The following DSTYK variants were observed in gnomAD, a reference collection of about 807,000 sequenced individuals.
DSTYK encodes RIP-homologous kinase.
DSTYK carries 34 observed loss-of-function variants against 98.7 expected under a neutral mutation model. The observed-to-expected ratio is 0.34, with a 90% CI of 0.26 to 0.46. The LOEUF is 0.46. Among genes scored for constraint, DSTYK ranks in the 20% least tolerant of loss-of-function variants. DSTYK has a pLI of 1.00. For synonymous variants in DSTYK, 462 were observed against 457.3 expected (o/e 1.01, Z -0.13); for missense variants, 962 against 1,181.7 (o/e 0.81, Z 2.73).
intron 10 of DSTYK, among the ~76,000 whole-genome samples, chr1:205,155,245 A>T (rs1657523517): frequency 6.6e-6 from 1 of 151,768 alleles, no homozygotes; most frequent in African/African-American, 2.4e-5. Flanking sequence ...TGGCCTCCCA[A>T]AGTGCTGGGA....
chr1:205,202,583 C>T lies in DSTYK; in HGVS notation c.265+8688G>A, dbSNP rs1203735007. On this transcript the variant is annotated intron_variant, in intron 1 of 12. Coordinates refer to ENST00000367162, the MANE Select transcript of DSTYK (RefSeq NM_015375.3). Reference sequence around the variant, plus strand: ...AAGATGCGCCGCTGGACCTGCAGAGCTCATGGTCGGATTAACCCATACGTG... The same window carrying T: ...AAGATGCGCCGCTGGACCTGCAGAGTTCATGGTCGGATTAACCCATACGTG... The T allele has an allele frequency of 1.2e-5, 12 of 1,023,592 alleles. No individual in the cohort carries two copies. In the Admixed American group the frequency reaches 1.9e-4, roughly 16 times the overall value. The allele number at this position is 1,023,592 out of a possible 1,614,324, so 63.4% of individuals were successfully genotyped here.
intron 10 of DSTYK, among the ~76,000 whole-genome samples, chr1:205,151,415 A>G (rs1047174270): frequency 1.4e-4 from 21 of 152,232 alleles, no homozygotes; most frequent in African/African-American, 5.1e-4. Flanking sequence ...CTTTTGTAAT[A>G]AACACTTAGC....
chr1:205,179,497 T>C (rs561233572), intron 2 of DSTYK, among the ~76,000 whole-genome samples: 2 of 151,884 alleles, frequency 1.3e-5, no homozygotes, highest in Non-Finnish European at 2.9e-5. Context: ...GGTGGGCACC[T>C]GTAGTCCCAG....
intron 3 of DSTYK, among the ~76,000 whole-genome samples, chr1:205,164,333 G>A (rs1265432714): frequency 6.6e-6 from 1 of 151,860 alleles, no homozygotes; most frequent in Non-Finnish European, 1.5e-5. Flanking sequence ...TTGAACCTAG[G>A]AAGTAGAGGC....
chr1:205,208,210 A>G (rs977780132), intron 1 of DSTYK, among the ~76,000 whole-genome samples: 1 of 152,166 alleles, frequency 6.6e-6, no homozygotes, highest in African/African-American at 2.4e-5. Context: ...TATCATGTAC[A>G]TTACATATTC....
chr1:205,196,857 C>T (rs1354977072), intron 1 of DSTYK, among the ~76,000 whole-genome samples: 6 of 142,968 alleles, frequency 4.2e-5, no homozygotes, highest in Non-Finnish European at 7.5e-5. Context: ...CTTCCGGGTT[C>T]GAGCAATTCT....
intron 1 of DSTYK, among the ~76,000 whole-genome samples, chr1:205,204,483 A>C (rs200785416): frequency 3.0e-5 from 3 of 98,620 alleles, no homozygotes; most frequent in Non-Finnish European, 5.3e-5. Context: ...CACACACACA[A>C]CCACTCAAAC....
At chr1:205,206,090 T>C (rs1659189782) in intron 1 of DSTYK, among the ~76,000 whole-genome samples, 1 of 152,236 alleles carries the variant, frequency 6.6e-6, no homozygotes, top group Non-Finnish European at 1.5e-5. Flanking sequence ...AATTATTTTT[T>C]CTTTCTTAAA....
Position 205,157,188 on chromosome 1 carries a change from G to A in DSTYK, c.2352+85C>T, listed in dbSNP as rs146921259. The A allele has an allele frequency of 5.8e-4, 665 of 1,153,894 alleles. 6 individuals are homozygous for A. In the East Asian group the frequency reaches 0.011, roughly 20 times the overall value. 71.5% of individuals were successfully genotyped at this position (1,153,894 alleles called of 1,614,324 possible). A position where few individuals can be genotyped will look rare whatever the true frequency, so the allele number is the denominator to read the frequency against. On this transcript the variant is annotated intron_variant, in intron 10 of 12. Coordinates refer to ENST00000367162, the MANE Select transcript of DSTYK (RefSeq NM_015375.3). ...CACTTTCTGTGAGGACTTTTCTTAG[G>A]ATCTAACTTACATTTACATGTACCC...
In DSTYK at chr1:205,173,955, G is replaced by T. The variant is rs551183263; in HGVS notation, c.655-4123C>A. ...GGCTGGTCTTGAACTCCTAACCTCA[G>T]GTGATCTGCCTGCCCCAGCCTCCCA... On this transcript the variant is annotated intron_variant, in intron 2 of 12. Coordinates refer to ENST00000367162, the MANE Select transcript of DSTYK (RefSeq NM_015375.3). Among the ~76,000 whole-genome samples, 11 of 152,128 alleles carry T rather than the reference G, an allele frequency of 7.2e-5. No homozygotes were observed. The South Asian group carries it at 2.3e-3, about 32-fold the overall frequency.
Position 205,163,822 on chromosome 1 carries a change from G to A in DSTYK, c.1458C>T (p.Tyr486=). Reference sequence around the variant, plus strand: ...GGGTTCCGACGAAGCTTTCCCTCAGGTAATCCACTGAGCTGATCAGCTTAT... The same window carrying A: ...GGGTTCCGACGAAGCTTTCCCTCAGATAATCCACTGAGCTGATCAGCTTAT... ...VANKLISSVD[Y]LRESFVGTLE... Residue 486 remains tyrosine (Y), a synonymous_variant, in exon 4 of 13, where the codon TAC becomes TAT. Transcript: ENST00000367162. The A allele has an allele frequency of 6.2e-7, 1 of 1,614,124 alleles. No individual in the cohort carries two copies. Among genetic ancestry groups the A allele is most frequent in the African/African-American group, 1.3e-5 (1 of 75,018 alleles).
intron 1 of DSTYK, among the ~76,000 whole-genome samples, chr1:205,205,756 T>C (rs1407339729): frequency 1.3e-5 from 2 of 152,282 alleles, no homozygotes; most frequent in South Asian, 4.1e-4. Flanking sequence ...AAAATGCCTA[T>C]TTTAAATAAG....
At chr1:205,207,797 A>G (rs1659255023) in intron 1 of DSTYK, among the ~76,000 whole-genome samples, 1 of 132,890 alleles carries the variant, frequency 7.5e-6, no homozygotes, top group Non-Finnish European at 1.6e-5. Context: ...AAAAAAAGAA[A>G]AAAAATACTT....
intron 5 of DSTYK, among the ~76,000 whole-genome samples, chr1:205,162,598 A>G (rs1313740406): frequency 1.3e-5 from 2 of 152,250 alleles, no homozygotes; most frequent in East Asian, 3.8e-4. Context: ...TAGGCTGGGA[A>G]AAAGAAATAT....
At chr1:205,182,745 G>A (rs1658450519) in intron 2 of DSTYK, among the ~76,000 whole-genome samples, 1 of 151,678 alleles carries the variant, frequency 6.6e-6, no homozygotes, top group Non-Finnish European at 1.5e-5. Flanking sequence ...GGCAGAGGTT[G>A]CAGCGAGCCG....
intron 4 of DSTYK, 45 bp downstream of exon 4, chr1:205,163,678 T>C (rs770312188): frequency 3.4e-6 from 5 of 1,482,092 alleles, no homozygotes; most frequent in Non-Finnish European, 2.8e-6. Flanking sequence ...AGATTTTTCA[T>C]GTGCTATCTA....
intron 9 of DSTYK, 136 bp downstream of exon 9, chr1:205,159,411 G>C (rs1476064536): frequency 2.6e-6 from 3 of 1,166,134 alleles, no homozygotes; most frequent in Admixed American, 5.9e-5. Flanking sequence ...AGGGTTTTTG[G>C]AAATAAGTGA....
At chr1:205,178,730 A>G (rs986146893) in intron 2 of DSTYK, among the ~76,000 whole-genome samples, 2 of 152,202 alleles carry the variant, frequency 1.3e-5, no homozygotes, top group African/African-American at 4.8e-5. Context: ...AATCTTCTCA[A>G]GGACACTGAT....
chr1:205,176,476 TAAAAAAAAAAAAA>T (rs61291677), intron 2 of DSTYK, among the ~76,000 whole-genome samples: 37 of 43,204 alleles, frequency 8.6e-4, no homozygotes, highest in South Asian at 1.6e-3. Flanking sequence ...AACTCCCTCT[TAAAAAAAAAAAAA>T]AAAAAAAAAA....
Sources: allele counts gnomAD v4.1 joint callset (sites outside exome capture counted in the v4.1 genomes callset), GRCh38; gene constraint gnomAD v4.1.1; transcripts MANE v1.5; gene names NCBI Gene and HGNC (gene_info 2026-07-23, HGNC 2026-07-21).